Variants in INSR observed in about 807,000 individuals in gnomAD.
INSR encodes the protein IR.
In INSR, 67 loss-of-function variants were observed where a neutral mutation model predicts 142.6. That is an observed-to-expected ratio of 0.47 (90% CI 0.39 to 0.58). INSR has a LOEUF of 0.58. INSR is among the 20% of genes least tolerant of loss of function. The pLI, the probability that INSR is intolerant of heterozygous loss-of-function variation, is 0.00. For synonymous variants in INSR, 756 were observed against 743.1 expected (o/e 1.02, Z -0.28); for missense variants, 1,248 against 1,833.2 (o/e 0.68, Z 5.83).
chr19:7,176,517 C>A (rs140195293), intron 3 of INSR, among the ~76,000 whole-genome samples: 2,181 of 152,304 alleles, frequency 0.014, 55 homozygotes, highest in African/African-American at 0.048. Flanking sequence ...ATGAGAATTG[C>A]TTGAACTCAG....
intron 2 of INSR, among the ~76,000 whole-genome samples, chr19:7,250,666 G>T (rs1976701189): frequency 6.6e-6 from 1 of 151,660 alleles, no homozygotes; most frequent in Admixed American, 6.6e-5. Flanking sequence ...TTAAAAAACG[G>T]TGTGTTTTTC....
intron 1 of INSR, among the ~76,000 whole-genome samples, chr19:7,286,902 A>G (rs1479287880): frequency 6.6e-6 from 1 of 152,084 alleles, no homozygotes. Context: ...GCTGGAGTGC[A>G]GTGGTACAAT....
chr19:7,282,713 G>T (rs1263127390), intron 1 of INSR, among the ~76,000 whole-genome samples: 1 of 151,226 alleles, frequency 6.6e-6, no homozygotes, highest in Non-Finnish European at 1.5e-5. Context: ...ATGGCCAGGC[G>T]CAGTGGCTCA....
At chr19:7,176,438 T>A (rs1974137041) in intron 3 of INSR, among the ~76,000 whole-genome samples, 1 of 152,154 alleles carries the variant, frequency 6.6e-6, no homozygotes, top group Non-Finnish European at 1.5e-5. Flanking sequence ...CCGTCTCTAC[T>A]AAAAATACAA....
chr19:7,269,306 T>C (rs1967841036), intron 1 of INSR, among the ~76,000 whole-genome samples: 1 of 134,094 alleles, frequency 7.5e-6, no homozygotes, highest in African/African-American at 2.8e-5. Context: ...AGCAAACAAA[T>C]GGGAAAAAAA....
intron 2 of INSR, among the ~76,000 whole-genome samples, chr19:7,188,374 C>T (rs1476567756): frequency 1.3e-5 from 2 of 150,362 alleles, no homozygotes; most frequent in Admixed American, 6.7e-5. Flanking sequence ...GGTAAAACCC[C>T]GACTCTACTA....
intron 2 of INSR, among the ~76,000 whole-genome samples, chr19:7,220,942 G>A (rs1323456417): frequency 1.3e-5 from 2 of 152,056 alleles, no homozygotes; most frequent in African/African-American, 4.8e-5. Context: ...ATCCATTCAT[G>A]GATTAATGGT....
chr19:7,131,869 G>A (rs900543891), intron 14 of INSR, among the ~76,000 whole-genome samples: 2 of 151,222 alleles, frequency 1.3e-5, no homozygotes, highest in Non-Finnish European at 2.9e-5. Flanking sequence ...CGTGGTGGTG[G>A]GCACCTGTAG....
intron 3 of INSR, among the ~76,000 whole-genome samples, chr19:7,181,085 C>T (rs989197397): frequency 5.3e-5 from 8 of 151,616 alleles, no homozygotes; most frequent in African/African-American, 1.7e-4. Context: ...GGATTACAGG[C>T]GCCCACTGTA....
At chr19:7,152,401 GAGAGA>G (rs1973391907) in intron 10 of INSR, 2 of 353,360 alleles carry the variant, frequency 5.7e-6, no homozygotes, top group Admixed American at 8.4e-5. Context: ...AAAAGAGAGA[GAGAGA>G]AAAAAAAAAA....
intron 1 of INSR, among the ~76,000 whole-genome samples, chr19:7,275,335 C>T (rs1968033377): frequency 6.6e-6 from 1 of 152,036 alleles, no homozygotes; most frequent in Non-Finnish European, 1.5e-5. Flanking sequence ...CCTCTGGAGA[C>T]GAGTCCCGCC....
intron 13 of INSR, among the ~76,000 whole-genome samples, chr19:7,140,666 G>T (rs1163629466): frequency 6.6e-6 from 1 of 151,890 alleles, no homozygotes; most frequent in African/African-American, 2.4e-5. Flanking sequence ...TTTGCATTTT[G>T]GCATTTCTGA....
intron 2 of INSR, among the ~76,000 whole-genome samples, chr19:7,210,337 T>C (rs566977303): frequency 1.3e-5 from 1 of 77,310 alleles, no homozygotes; most frequent in East Asian, 4.0e-4. Flanking sequence ...AGAGACTCTG[T>C]CTCAAAAAAA....
intron 4 of INSR, among the ~76,000 whole-genome samples, chr19:7,173,612 CT>C (rs953885301): frequency 0.045 from 2,789 of 61,314 alleles, 5 homozygotes; most frequent in African/African-American, 0.14. Context: ...CAGCGCCTGG[CT>C]TTTTTTTTTT....
intron 2 of INSR, among the ~76,000 whole-genome samples, chr19:7,187,716 A>G (rs1974466755): frequency 6.6e-6 from 1 of 151,420 alleles, no homozygotes; most frequent in Admixed American, 6.6e-5. Flanking sequence ...GGAATAATGG[A>G]CATGCGCCAC....
At chr19:7,207,901 A>AAAAGG (rs1975149312) in intron 2 of INSR, among the ~76,000 whole-genome samples, 1 of 72,746 alleles carries the variant, frequency 1.4e-5, no homozygotes, top group Non-Finnish European at 2.7e-5. Context: ...GGAAGGAAGG[A>AAAAGG]AAGGAAGGAA....
chr19:7,187,229 A>C (rs1436982539), intron 2 of INSR, among the ~76,000 whole-genome samples: 1 of 151,450 alleles, frequency 6.6e-6, no homozygotes, highest in Admixed American at 6.6e-5. Context: ...ACAGGTGCCC[A>C]CCACCACACC....
intron 2 of INSR, among the ~76,000 whole-genome samples, chr19:7,259,927 T>A (rs1371974220): frequency 1.3e-5 from 2 of 151,314 alleles, no homozygotes; most frequent in Non-Finnish European, 2.9e-5. Context: ...TTCCTTAGAG[T>A]CCAGGAGTTT....
At chr19:7,227,635 G>A (rs1355858429) in intron 2 of INSR, among the ~76,000 whole-genome samples, 3 of 152,028 alleles carry the variant, frequency 2.0e-5, no homozygotes, top group South Asian at 2.1e-4. Flanking sequence ...GTTTTGCATC[G>A]ACTCCAGCCA....
Sources: gnomAD v4.1 joint callset for allele counts (sites outside exome capture counted in the v4.1 genomes callset) on GRCh38, gnomAD v4.1.1 for gene constraint, MANE v1.5 for transcripts, NCBI Gene and HGNC (gene_info 2026-07-23, HGNC 2026-07-21) for gene names.